Variants in TENM2 observed in about 807,000 individuals in gnomAD.
The protein encoded by TENM2 is teneurin-2.
A neutral mutation model predicts 245.2 loss-of-function variants in TENM2; 52 were observed. The ratio of observed to expected loss-of-function variants is 0.21; its 90% CI spans 0.17 to 0.27. The LOEUF (loss-of-function observed/expected upper bound fraction) is 0.27, where lower values mean the gene tolerates loss of function less well. Among genes scored for constraint, TENM2 ranks in the 10% least tolerant of loss-of-function variants. TENM2 has a pLI of 1.00. For missense variants in TENM2, 3,046 were observed against 3,666.8 expected (o/e 0.83, Z 4.37); for synonymous variants, 1,363 against 1,438.9 (o/e 0.95, Z 1.19).
At chr5:167,694,842 G>GA (rs1224066746) in intron 2 of TENM2, among the ~76,000 whole-genome samples, 21 of 151,338 alleles carry the variant, frequency 1.4e-4, no homozygotes, top group Non-Finnish European at 1.5e-5. Context: ...TTTACATGCA[G>GA]AAAAAAAAAT....
intron 2 of TENM2, among the ~76,000 whole-genome samples, chr5:167,735,005 G>A (rs1760703528): frequency 1.3e-5 from 2 of 152,288 alleles, no homozygotes; most frequent in African/African-American, 2.4e-5. Context: ...GGATGTTTAG[G>A]GTGGTGTAGA....
chr5:168,128,606 C>T (rs1290886396), intron 12 of TENM2, among the ~76,000 whole-genome samples: 1 of 152,246 alleles, frequency 6.6e-6, no homozygotes, highest in Non-Finnish European at 1.5e-5. Context: ...CTCTCTCCTA[C>T]CTACAATCTG....
intron 2 of TENM2, among the ~76,000 whole-genome samples, chr5:167,655,426 C>T (rs1321362350): frequency 1.3e-5 from 2 of 152,186 alleles, no homozygotes; most frequent in Non-Finnish European, 2.9e-5. Context: ...CAAGGAAAAG[C>T]AGGCCACCTT....
the TENM2 span, among the ~76,000 whole-genome samples, chr5:167,060,738 A>G: frequency 2.0e-5 from 3 of 151,924 alleles, no homozygotes; most frequent in African/African-American, 7.2e-5. Flanking sequence ...TCATTTCAAC[A>G]TGTAATTAAT....
intron 6 of TENM2, among the ~76,000 whole-genome samples, chr5:168,060,051 C>T (rs1789897639): frequency 6.6e-6 from 1 of 152,072 alleles, no homozygotes; most frequent in Non-Finnish European, 1.5e-5. Context: ...ATTCCTCCCC[C>T]TGCAGGTAAG....
chr5:167,697,157 C>T (rs1429054851), intron 2 of TENM2, among the ~76,000 whole-genome samples: 1 of 152,148 alleles, frequency 6.6e-6, no homozygotes, highest in Non-Finnish European at 1.5e-5. Context: ...CTGGATGGTG[C>T]TGAATGACCT....
the TENM2 span, among the ~76,000 whole-genome samples, chr5:167,231,433 A>C: frequency 1.3e-5 from 2 of 152,196 alleles, no homozygotes; most frequent in East Asian, 3.9e-4. Context: ...CTTGTTGGGA[A>C]CTGGAATAAA....
intron 2 of TENM2, among the ~76,000 whole-genome samples, chr5:167,682,070 T>TTTCCTTCC (rs112858059): frequency 7.4e-6 from 1 of 135,128 alleles, no homozygotes; most frequent in Non-Finnish European, 1.6e-5. Flanking sequence ...TCCTTCCTTC[T>TTTCCTTCC]TTCCTTCCTT....
At chr5:167,941,786 C>T (rs1265855131) in intron 3 of TENM2, among the ~76,000 whole-genome samples, 1 of 151,830 alleles carries the variant, frequency 6.6e-6, no homozygotes, top group African/African-American at 2.4e-5. Flanking sequence ...CCCAGGAATT[C>T]GAGGTTACAG....
chr5:167,982,428 G>A (rs1782913188), intron 4 of TENM2, among the ~76,000 whole-genome samples: 1 of 152,118 alleles, frequency 6.6e-6, no homozygotes, highest in Non-Finnish European at 1.5e-5. Context: ...TCATATTTGA[G>A]ATATTGTGTT....
chr5:168,195,509 C>T (rs1190081085), intron 15 of TENM2, among the ~76,000 whole-genome samples: 2 of 149,616 alleles, frequency 1.3e-5, no homozygotes, highest in African/African-American at 2.5e-5. Flanking sequence ...TTACCTAGTA[C>T]AGCTCACAGC....
At chr5:168,216,820 C>G in exon 22 of TENM2, 1 of 1,613,990 alleles carries the variant, frequency 6.2e-7, no homozygotes, top group Non-Finnish European at 8.5e-7. Context: ...CCACCATGAT[C>G]CGGAAGGTTG....
chr5:167,293,792 T>G (rs73803144), intron 1 of TENM2, among the ~76,000 whole-genome samples: 4 of 152,126 alleles, frequency 2.6e-5, no homozygotes, highest in African/African-American at 9.7e-5. Flanking sequence ...TTTTTAAAAT[T>G]TGTTAGATTC....
intron 24 of TENM2, among the ~76,000 whole-genome samples, chr5:168,227,240 AG>A (rs1323488824): frequency 8.5e-5 from 13 of 152,340 alleles, no homozygotes; most frequent in Admixed American, 7.8e-4. Flanking sequence ...TGACTCGTGT[AG>A]TTTCCACTGG....
chr5:167,988,670 G>A (rs1320536483), intron 4 of TENM2, among the ~76,000 whole-genome samples: 2 of 152,184 alleles, frequency 1.3e-5, no homozygotes, highest in Non-Finnish European at 2.9e-5. Flanking sequence ...GACAACAGAG[G>A]TGGAAGCTTC....
intron 2 of TENM2, among the ~76,000 whole-genome samples, chr5:167,825,603 A>G (rs1306798092): frequency 6.6e-6 from 1 of 152,134 alleles, no homozygotes; most frequent in Non-Finnish European, 1.5e-5. Context: ...AGGCAGTGTC[A>G]GTCTGTTGGC....
intron 2 of TENM2, among the ~76,000 whole-genome samples, chr5:167,773,602 C>T (rs886965347): frequency 1.3e-5 from 2 of 152,128 alleles, no homozygotes; most frequent in African/African-American, 2.4e-5. Context: ...CTTTCTTACC[C>T]TTGTTGTTCT....
At chr5:167,764,616 T>A (rs1268452119) in intron 2 of TENM2, among the ~76,000 whole-genome samples, 1 of 152,158 alleles carries the variant, frequency 6.6e-6, no homozygotes, top group Non-Finnish European at 1.5e-5. Context: ...CCTCTTTAGA[T>A]CTAAATAGAG....
At chr5:167,526,360 GCACACA>G (rs72349867) in intron 2 of TENM2, among the ~76,000 whole-genome samples, 56 of 144,154 alleles carry the variant, frequency 3.9e-4, no homozygotes, top group Non-Finnish European at 5.8e-4. Context: ...TTAAGAAATA[GCACACA>G]CACACACACA....
Sources: gnomAD v4.1 joint callset for allele counts (sites outside exome capture counted in the v4.1 genomes callset) on GRCh38, gnomAD v4.1.1 for gene constraint, MANE v1.5 for transcripts, NCBI Gene and HGNC (gene_info 2026-07-23, HGNC 2026-07-21) for gene names.